The following DNAJB14 variants were observed in gnomAD, a reference collection of about 807,000 sequenced individuals.
DNAJB14 encodes the protein dnaJ homolog subfamily B member 14.
DNAJB14 carries 22 observed loss-of-function variants against 48.4 expected under a neutral mutation model. The observed-to-expected ratio is 0.45, with a 90% CI of 0.32 to 0.65. DNAJB14 has a LOEUF of 0.65. DNAJB14 is among the 30% of genes least tolerant of loss of function. The probability of loss-of-function intolerance (pLI) is 0.03; values close to 1 mark genes in which losing one functional copy is unlikely to be tolerated. For missense variants in DNAJB14, 319 were observed against 458.8 expected, an observed-to-expected ratio of 0.70 and a Z score of 2.78; for synonymous variants, 142 against 158.7, an observed-to-expected ratio of 0.89 and a Z score of 0.79.
intron 6 of DNAJB14, 31 bp downstream of exon 6, chr4:99,905,566 A>G (rs1725432656): frequency 6.4e-7 from 1 of 1,557,348 alleles, no homozygotes. Context: ...GCAACAATTC[A>G]TTTTTTGTAA....
In DNAJB14 at chr4:99,915,298, C is replaced by T. The variant is rs562487288; in HGVS notation, c.452-6402G>A. Among the ~76,000 whole-genome samples the T allele has an allele frequency of 2.0e-3, 297 of 152,188 alleles. 1 individual carries two copies. The highest frequency in any genetic ancestry group is 3.1e-3 in the Non-Finnish European group (208 of 67,988). Reference sequence around the variant, plus strand: ...GACCACAGGCGCCCGCCACCACGCCCGGCTACTTTTTTGTATTTTTAGTAG... The same window carrying T: ...GACCACAGGCGCCCGCCACCACGCCTGGCTACTTTTTTGTATTTTTAGTAG... On this transcript the variant is annotated intron_variant, in intron 3 of 7. Coordinates refer to ENST00000442697, the MANE Select transcript of DNAJB14 (RefSeq NM_001031723.4).
chr4:99,913,880 C>T (rs535168141), intron 3 of DNAJB14, among the ~76,000 whole-genome samples: 147 of 152,116 alleles, frequency 9.7e-4, no homozygotes, highest in African/African-American at 3.4e-3. Flanking sequence ...TTTTGTGTTG[C>T]TATAGAAAAA....
chr4:99,938,778 T>C lies in DNAJB14; in HGVS notation c.133+7661A>G, dbSNP rs1726781854. Among the ~76,000 whole-genome samples, 2 of 152,290 alleles carry C rather than the reference T, an allele frequency of 1.3e-5. 1 individual carries two copies. The highest frequency in any genetic ancestry group is 2.9e-5 in the Non-Finnish European group (2 of 68,022). On this transcript the variant is annotated intron_variant, in intron 1 of 7. Coordinates refer to ENST00000442697, the MANE Select transcript of DNAJB14 (RefSeq NM_001031723.4). ...TAAGTTTGAAATTATTTCAAAATTTTCCAAAACTAAATGTACTAATATAAA... is the reference window on the plus strand; with the variant it reads ...TAAGTTTGAAATTATTTCAAAATTTCCCAAAACTAAATGTACTAATATAAA...
intron 2 of DNAJB14, chr4:99,929,851 A>G (rs531217477): frequency 3.9e-5 from 6 of 152,352 alleles, no homozygotes; most frequent in African/African-American, 1.4e-4. Flanking sequence ...CAGGAAACAA[A>G]ACAGACTTTT....
At chr4:99,934,047 A>C (rs1189842375) in intron 1 of DNAJB14, among the ~76,000 whole-genome samples, 1 of 152,214 alleles carries the variant, frequency 6.6e-6, no homozygotes, top group East Asian at 1.9e-4. Context: ...GGAAGACTCT[A>C]GTCACTACAT....
intron 4 of DNAJB14, among the ~76,000 whole-genome samples, 155 bp from the exon 5 acceptor site, chr4:99,906,766 G>A (rs1004195163): frequency 6.6e-6 from 1 of 152,136 alleles, no homozygotes; most frequent in African/African-American, 2.4e-5. Context: ...TCTTGTAAGT[G>A]AAGGGTGGAC....
At position 99,938,097 on chromosome 4, in the gene DNAJB14, C is replaced by CAAAAAAAAAAAAAA. The variant is rs59597113; in HGVS notation, c.134-7490_134-7477dup. The stretch of plus-strand genomic sequence containing the variant: ...ACATGGCGAAACCATGTTAAAAATA[C>CAAAAAAAAAAAAAA]AAAAAAAAAAAAAAAAAAAAAAAAA... On this transcript the variant is annotated intron_variant, in intron 1 of 7. Transcript: ENST00000442697. Among the ~76,000 whole-genome samples, 50 of 40,978 alleles carry CAAAAAAAAAAAAAA rather than the reference C, an allele frequency of 1.2e-3. 5 individuals carry two copies. The highest frequency in any genetic ancestry group is 1.5e-3 in the Non-Finnish European group (32 of 20,842). 26.9% of individuals were successfully genotyped at this position (40,978 alleles called of 152,430 possible). A position where few individuals can be genotyped will look rare whatever the true frequency, so the allele number is the denominator to read the frequency against.
At chr4:99,924,618 G>A (rs1408745564) in intron 2 of DNAJB14, 1 of 1,000,284 alleles carries the variant, frequency 1.0e-6, no homozygotes, top group African/African-American at 1.7e-5. Context: ...ACTATGCCCA[G>A]ACAGTGTTCT....
At chr4:99,907,184 C>A (rs1725496179) in intron 4 of DNAJB14, among the ~76,000 whole-genome samples, 1 of 152,126 alleles carries the variant, frequency 6.6e-6, no homozygotes, top group African/African-American at 2.4e-5. Flanking sequence ...AATCAAGTAT[C>A]AGAAGAAAAT....
intron 7 of DNAJB14, 67 bp from the exon 8 acceptor site, chr4:99,901,219 G>A (rs1725285243): frequency 7.2e-7 from 1 of 1,396,466 alleles, no homozygotes; most frequent in African/African-American, 1.5e-5. Context: ...TTAAGCTCAA[G>A]TGATGCTTTA....
At chr4:99,928,541 C>A (rs1420119915) in intron 2 of DNAJB14, 2 of 440,520 alleles carry the variant, frequency 4.5e-6, no homozygotes, top group Admixed American at 4.8e-5. Flanking sequence ...ATAATCAATA[C>A]CAGAACAAAG....
At chr4:99,906,091 G>A in intron 5 of DNAJB14, 1 of 1,314,918 alleles carries the variant, frequency 7.6e-7, no homozygotes, top group South Asian at 1.2e-5. Context: ...CTGGGGGCCA[G>A]GCCTTTTAAT....
intron 1 of DNAJB14, among the ~76,000 whole-genome samples, chr4:99,931,336 T>C (rs1349422337): frequency 6.6e-6 from 1 of 151,898 alleles, no homozygotes; most frequent in African/African-American, 2.4e-5. Flanking sequence ...AAAGTAGGGG[T>C]AGAAAGAATG....
intron 1 of DNAJB14, among the ~76,000 whole-genome samples, chr4:99,944,451 C>A (rs973956521): frequency 2.0e-5 from 3 of 152,064 alleles, no homozygotes; most frequent in Non-Finnish European, 4.4e-5. Context: ...CAGCATTATT[C>A]ATAATAGCCA....
chr4:99,908,648 G>A (rs1465594767), intron 4 of DNAJB14, 63 bp downstream of exon 4: 21 of 1,217,974 alleles, frequency 1.7e-5, no homozygotes, highest in East Asian at 8.5e-5. Flanking sequence ...TCTAAATAAC[G>A]TTAACTGGAG....
At chr4:99,929,450 T>G (rs560067173) in intron 2 of DNAJB14, 1 of 152,306 alleles carries the variant, frequency 6.6e-6, no homozygotes, top group East Asian at 1.9e-4. Context: ...AATCAAGCTT[T>G]AGCATTTAAA....
Position 99,922,985 on chromosome 4 carries a change from G to A in DNAJB14, c.451+55C>T, listed in dbSNP as rs1162129781. The A allele has an allele frequency of 2.0e-5, 31 of 1,514,694 alleles. No individual in the cohort carries two copies. In the South Asian group the frequency reaches 2.3e-4, roughly 11 times the overall value. The allele number at this position is 1,514,694 out of a possible 1,614,324, so 93.8% of individuals were successfully genotyped here. On this transcript the variant is annotated intron_variant, in intron 3 of 7. Coordinates refer to ENST00000442697, the MANE Select transcript of DNAJB14 (RefSeq NM_001031723.4). ...GCAGAACTTAATATTCTGAAACGCC[G>A]TAAAGTGAATTCTAAAGACAGCTTA...
At chr4:99,913,115 T>C (rs1351481840) in intron 3 of DNAJB14, among the ~76,000 whole-genome samples, 1 of 152,260 alleles carries the variant, frequency 6.6e-6, no homozygotes, top group African/African-American at 2.4e-5. Flanking sequence ...TAGATAATCA[T>C]GTCATTTGCA....
intron 6 of DNAJB14, among the ~76,000 whole-genome samples, chr4:99,904,415 T>G (rs1023283609): frequency 6.6e-6 from 1 of 152,128 alleles, no homozygotes; most frequent in African/African-American, 2.4e-5. Context: ...TGCTTTCTGA[T>G]AGTTCAATGT....
Sources: allele counts gnomAD v4.1 joint callset (sites outside exome capture counted in the v4.1 genomes callset), GRCh38; gene constraint gnomAD v4.1.1; transcripts MANE v1.5; gene names NCBI Gene and HGNC (gene_info 2026-07-23, HGNC 2026-07-21).